Variants in SFRP1 observed in about 807,000 individuals in gnomAD.
The protein encoded by SFRP1 is secreted frizzled-related protein 1.
In SFRP1, 9 loss-of-function variants were observed where a neutral mutation model predicts 25.9. The observed-to-expected ratio is 0.35, with a 90% CI of 0.21 to 0.61. SFRP1 has a LOEUF of 0.61. Among genes scored for constraint, SFRP1 ranks in the 20% least tolerant of loss-of-function variants. The pLI is 0.78. For synonymous variants in SFRP1, 178 were observed against 174.0 expected, an observed-to-expected ratio of 1.02 and a Z score of -0.18; for missense variants, 346 against 418.2, an observed-to-expected ratio of 0.83 and a Z score of 1.51.
chr8:41,268,368 C>A (rs1249212165), intron 2 of SFRP1, among the ~76,000 whole-genome samples: 2 of 152,208 alleles, frequency 1.3e-5, no homozygotes, highest in African/African-American at 2.4e-5. Context: ...GCCATACACA[C>A]CACGACCCGG....
At position 41,265,134 on chromosome 8, in the gene SFRP1, C is replaced by A. The variant is rs372271949; in HGVS notation, c.*33G>T. The A allele has an allele frequency of 1.0e-3, 783 of 748,916 alleles. 6 individuals are homozygous for A. The African/African-American group carries it at 0.013, about 12-fold the overall frequency. 46.4% of individuals were successfully genotyped at this position (748,916 alleles called of 1,614,324 possible). Reference sequence around the variant, plus strand: ...CTGTCCCCCCCGCTCCCACCCCACCCGAGGCTCCCTCCCCACCCTGCCCCC... The same window carrying A: ...CTGTCCCCCCCGCTCCCACCCCACCAGAGGCTCCCTCCCCACCCTGCCCCC... On this transcript the variant is annotated 3_prime_UTR_variant, in exon 3 of 3. Coordinates refer to ENST00000220772, the MANE Select transcript of SFRP1 (RefSeq NM_003012.5).
At chr8:41,291,068 C>T (rs1469944780) in intron 2 of SFRP1, among the ~76,000 whole-genome samples, 5 of 151,008 alleles carry the variant, frequency 3.3e-5, no homozygotes, top group East Asian at 3.9e-4. Context: ...CACCAGGCCC[C>T]GCTATTTTTT....
At chr8:41,279,079 A>G (rs1370457582) in intron 2 of SFRP1, among the ~76,000 whole-genome samples, 2 of 151,776 alleles carry the variant, frequency 1.3e-5, no homozygotes, top group East Asian at 3.9e-4. Context: ...AGAATGACCC[A>G]CGAGTGTTCC....
intron 2 of SFRP1, chr8:41,271,075 GTCACGGTCT>G (rs1803499210): frequency 6.5e-6 from 1 of 154,132 alleles, no homozygotes. Context: ...TGCAAAAGTA[GTCACGGTCT>G]TTGCCATTAC....
Position 41,295,158 on chromosome 8 carries a change from C to T in SFRP1, c.622+8303G>A, listed in dbSNP as rs180991746. Among the ~76,000 whole-genome samples the T allele has an allele frequency of 8.6e-3, 1,316 of 152,254 alleles. 12 individuals are homozygous for T. The highest frequency in any genetic ancestry group is 0.02 in the Admixed American group (313 of 15,286). On this transcript the variant is annotated intron_variant, in intron 2 of 2. Coordinates refer to ENST00000220772, the MANE Select transcript of SFRP1 (RefSeq NM_003012.5). ...AGGGCAGATCACGAGGTCAGGAGTTCAAGACCAGCCTGGCCAACATGGTGA... is the reference window on the plus strand; with the variant it reads ...AGGGCAGATCACGAGGTCAGGAGTTTAAGACCAGCCTGGCCAACATGGTGA...
Position 41,265,043 on chromosome 8 carries a change from C to A in SFRP1, c.*124G>T, listed in dbSNP as rs1020888905. ...CGGGAATGCTGCAAGAACAAGCCGACTGGATTACAATGTCCACTACTGACA... is the reference window on the plus strand; with the variant it reads ...CGGGAATGCTGCAAGAACAAGCCGAATGGATTACAATGTCCACTACTGACA... On this transcript the variant is annotated 3_prime_UTR_variant, in exon 3 of 3. Transcript: ENST00000220772. 1 of 678,828 alleles carries A rather than the reference C, an allele frequency of 1.5e-6. No individual in the cohort carries two copies. The highest frequency in any genetic ancestry group is 2.5e-6 in the Non-Finnish European group (1 of 407,370). 42.1% of individuals were successfully genotyped at this position (678,828 alleles called of 1,614,324 possible).
At chr8:41,288,857 A>C (rs1483163085) in intron 2 of SFRP1, among the ~76,000 whole-genome samples, 1 of 152,206 alleles carries the variant, frequency 6.6e-6, no homozygotes, top group Non-Finnish European at 1.5e-5. Context: ...TTCTGAGAAC[A>C]GAAGGGAAGA....
intron 2 of SFRP1, among the ~76,000 whole-genome samples, chr8:41,288,530 CAAAAAAAAAAAAAAAAAAAAAAAAAAA>C (rs397893046): frequency 2.6e-5 from 1 of 39,110 alleles, no homozygotes; most frequent in African/African-American, 8.6e-5. Flanking sequence ...AGACCCTGTC[CAAAAAAAAAAAAAAAAAAAAAAAAAAA>C]AAAAAAAAAA....
intron 2 of SFRP1, among the ~76,000 whole-genome samples, chr8:41,268,399 T>A (rs74456042): frequency 3.3e-5 from 5 of 152,230 alleles, no homozygotes; most frequent in African/African-American, 1.2e-4. Context: ...TATTGCTTCA[T>A]TGGAAACTAT....
chr8:41,279,250 C>T (rs1285848994), intron 2 of SFRP1, among the ~76,000 whole-genome samples: 1 of 152,098 alleles, frequency 6.6e-6, no homozygotes, highest in Non-Finnish European at 1.5e-5. Context: ...AGCCACTGCC[C>T]GGATGTTCAA....
rs554190365 is a variant in SFRP1, at chr8:41,305,448, G to GT, written c.545-1911dup. Among the ~76,000 whole-genome samples the GT allele has an allele frequency of 6.0e-4, 91 of 152,300 alleles. No homozygotes were observed. In the Middle Eastern group the frequency reaches 0.01, roughly 17 times the overall value. On this transcript the variant is annotated intron_variant, in intron 1 of 2. Transcript: ENST00000220772. ...GAGCTCGTTGGGGTGGGCTCTGTGT[G>GT]TTTTTACCACGGCTTTCCCCTATCT...
At position 41,307,927 on chromosome 8, in the gene SFRP1, A is replaced by G. The variant is rs553500221; in HGVS notation, c.544+689T>C. Among the ~76,000 whole-genome samples, 99 of 152,290 alleles carry G rather than the reference A, an allele frequency of 6.5e-4. 2 individuals carry two copies. The highest frequency in any genetic ancestry group is 2.3e-3 in the African/African-American group (97 of 41,562). ...TGTGTAAATGAGAAAAGCAGGGGGT[A>G]CGCTAGAGGGAGGGAGAAAAGACTT... On this transcript the variant is annotated intron_variant, in intron 1 of 2. Transcript: ENST00000220772.
intron 2 of SFRP1, among the ~76,000 whole-genome samples, chr8:41,278,338 AAT>A (rs1803595321): frequency 6.6e-6 from 1 of 152,248 alleles, no homozygotes; most frequent in South Asian, 2.1e-4. Context: ...CCAGCTGACC[AAT>A]CCCACCACTC....
chr8:41,303,423 T>C, intron 2 of SFRP1, 38 bp downstream of exon 2: 6 of 1,526,670 alleles, frequency 3.9e-6, no homozygotes, highest in Non-Finnish European at 5.4e-6. Flanking sequence ...ACCAGGAGGT[T>C]CCAAACCTTC....
At chr8:41,267,897 G>A (rs1414592326) in intron 2 of SFRP1, among the ~76,000 whole-genome samples, 1 of 152,194 alleles carries the variant, frequency 6.6e-6, no homozygotes, top group Non-Finnish European at 1.5e-5. Context: ...ATCACAGGGA[G>A]GAGCTCAGAC....
At chr8:41,288,037 G>A (rs116792226) in intron 2 of SFRP1, among the ~76,000 whole-genome samples, 2,499 of 149,644 alleles carry the variant, frequency 0.017, 63 homozygotes, top group African/African-American at 0.056. Flanking sequence ...GGGCCACATA[G>A]CGAGACCCCG....
rs543251107 is a variant in SFRP1 at position 41,272,084 on chromosome 8, T to C, written c.623-6595A>G. 2.0e-5 allele frequency among the ~76,000 whole-genome samples: 3 copies of C among 152,220 alleles called. No individual in the cohort carries two copies. In the East Asian group the frequency reaches 5.8e-4, roughly 29 times the overall value. On this transcript the variant is annotated intron_variant, in intron 2 of 2. Coordinates refer to ENST00000220772, the MANE Select transcript of SFRP1 (RefSeq NM_003012.5). The stretch of plus-strand genomic sequence containing the variant: ...GGAAAGATTACTTGGAAATTTAAAA[T>C]ATAAGAGAAGAAATATAAAATGCAA...
Position 41,270,989 on chromosome 8 carries a change from G to A in SFRP1, c.623-5500C>T, listed in dbSNP as rs529608658. The A allele has an allele frequency of 4.6e-5, 7 of 153,714 alleles. No homozygotes were observed. The South Asian group carries it at 8.2e-4, about 18-fold the overall frequency. The allele number at this position is 153,714 out of a possible 1,614,324, so 9.5% of individuals were successfully genotyped here. ...CTGCAAAGTGAAGAATGAGACACTC[G>A]GGTCTTAGAACACTACATTTATATG... On this transcript the variant is annotated intron_variant, in intron 2 of 2. Transcript: ENST00000220772.
At chr8:41,267,401 C>G (rs772750726) in intron 2 of SFRP1, among the ~76,000 whole-genome samples, 3 of 152,210 alleles carry the variant, frequency 2.0e-5, no homozygotes, top group Non-Finnish European at 4.4e-5. Context: ...ATCAACTCCC[C>G]TTTAAGACTG....
Sources: allele counts gnomAD v4.1 joint callset (sites outside exome capture counted in the v4.1 genomes callset), GRCh38; gene constraint gnomAD v4.1.1; transcripts MANE v1.5; gene names NCBI Gene and HGNC (gene_info 2026-07-23, HGNC 2026-07-21).